The following PHLPP2 variants were observed in gnomAD, a reference collection of about 807,000 sequenced individuals.
PHLPP2 encodes PH domain leucine-rich repeat-containing protein phosphatase 2.
A neutral mutation model predicts 124.9 loss-of-function variants in PHLPP2; 66 were observed. The observed-to-expected ratio is 0.53, with a 90% CI of 0.43 to 0.65. The LOEUF is 0.65. Ranked by LOEUF, PHLPP2 falls within the 30% of genes least tolerant of loss-of-function variation. PHLPP2 has a pLI of 0.00. For missense variants in PHLPP2, 1,685 were observed against 1,600.4 expected (o/e 1.05, Z -0.90); for synonymous variants, 681 against 624.7 (o/e 1.09, Z -1.34).
intron 1 of PHLPP2, among the ~76,000 whole-genome samples, chr16:71,722,725 T>G (rs982453858): frequency 1.3e-5 from 2 of 152,218 alleles, no homozygotes; most frequent in African/African-American, 4.8e-5. Flanking sequence ...AAGTTTCATA[T>G]CCTGAATTCC....
chr16:71,658,633 A>G lies in PHLPP2; in HGVS notation c.2148+20T>C, dbSNP rs780467763. 7 of 1,608,880 alleles carry G rather than the reference A, an allele frequency of 4.4e-6. No homozygotes were observed. The highest frequency in any genetic ancestry group is 5.9e-6 in the Non-Finnish European group (7 of 1,177,076). ...TGCCATTTCCCCCAATAAGGACATC[A>G]TTCCAGCACACAGAAGTACCTGGAT... On this transcript the variant is annotated intron_variant, in intron 14 of 18. Transcript: ENST00000568954.
intron 11 of PHLPP2, 122 bp from the exon 12 acceptor site, chr16:71,667,455 T>G: frequency 1.4e-6 from 1 of 737,858 alleles, no homozygotes; most frequent in Non-Finnish European, 2.1e-6. Flanking sequence ...CTAGATTGTA[T>G]ACTCACTGAC....
At chr16:71,689,210 A>G (rs921016717) in intron 4 of PHLPP2, among the ~76,000 whole-genome samples, 2 of 151,512 alleles carry the variant, frequency 1.3e-5, no homozygotes, top group African/African-American at 4.9e-5. Flanking sequence ...GTCTTTTCAT[A>G]TTTTTATTAT....
Position 71,676,407 on chromosome 16 carries a change from G to A in PHLPP2, c.1471+40C>T, listed in dbSNP as rs373092457. ...CTGTTCTCAGAAAGCACTGACAACA[G>A]CTGAAAGAGAAAAAACAAAAGGCTG... is the stretch of plus-strand genomic sequence containing the variant. On this transcript the variant is annotated intron_variant, in intron 9 of 18. Coordinates refer to ENST00000568954, the MANE Select transcript of PHLPP2 (RefSeq NM_015020.3). The A allele has an allele frequency of 5.8e-4, 887 of 1,527,518 alleles. 11 individuals carry two copies. The South Asian group carries it at 9.5e-3, about 16-fold the overall frequency. The allele number at this position is 1,527,518 out of a possible 1,614,324, so 94.6% of individuals were successfully genotyped here. A position where few individuals can be genotyped will look rare whatever the true frequency, so the allele number is the denominator to read the frequency against.
Position 71,649,787 on chromosome 16 carries a change from A to G in PHLPP2, c.3075T>C (p.Asn1025=), listed in dbSNP as rs771803100. ...TLAQSYGCQD[N]VGAMVVYLNI... is the part of the protein sequence containing the mutation. Reference sequence around the variant, plus strand: ...TCAAATAAACTACCATCGCCCCTACATTGTCCTGACAGCCATAGCTCTGCG... The same window carrying G: ...TCAAATAAACTACCATCGCCCCTACGTTGTCCTGACAGCCATAGCTCTGCG... Residue 1025 remains asparagine (N), a synonymous_variant, in exon 19 of 19, where the codon AAT becomes AAC. Coordinates refer to ENST00000568954, the MANE Select transcript of PHLPP2 (RefSeq NM_015020.3). The G allele has an allele frequency of 1.2e-5, 19 of 1,614,120 alleles. No individual in the cohort carries two copies. The East Asian group carries it at 2.9e-4, about 25-fold the overall frequency.
intron 2 of PHLPP2, among the ~76,000 whole-genome samples, chr16:71,708,760 T>C (rs988940030): frequency 2.6e-5 from 4 of 151,952 alleles, no homozygotes; most frequent in South Asian, 4.2e-4. Flanking sequence ...CACTCCAGCT[T>C]GGGCAACAGA....
intron 3 of PHLPP2, among the ~76,000 whole-genome samples, chr16:71,697,901 G>C (rs909981085): frequency 6.9e-6 from 1 of 144,588 alleles, no homozygotes; most frequent in Non-Finnish European, 1.5e-5. Flanking sequence ...AGGCTGGAGT[G>C]CAGTGGCACC....
At chr16:71,673,654 T>C (rs1040049708) in intron 9 of PHLPP2, among the ~76,000 whole-genome samples, 1 of 152,194 alleles carries the variant, frequency 6.6e-6, no homozygotes, top group Admixed American at 6.5e-5. Context: ...TTAAATACTA[T>C]TAAAATATTT....
chr16:71,690,355 G>T (rs566593235), intron 4 of PHLPP2, among the ~76,000 whole-genome samples, 164 bp downstream of exon 4: 1 of 152,290 alleles, frequency 6.6e-6, no homozygotes, highest in East Asian at 1.9e-4. Context: ...AGGATTTGGG[G>T]CATAATAGCC....
rs544993186 is a variant in PHLPP2, at chr16:71,653,355, G to A, written c.2586-334C>T. 1.3e-4 allele frequency among the ~76,000 whole-genome samples: 20 copies of A among 152,260 alleles called. 2 individuals carry two copies. In the South Asian group the frequency reaches 4.2e-3, roughly 32 times the overall value. ...AATCCCCTGAGGGCTTGTCAGAACA[G>A]GGACTGCTGGGCCCTAGGCCCAGAG... On this transcript the variant is annotated intron_variant, in intron 17 of 18. Transcript: ENST00000568954.
rs2044903113 is a variant in PHLPP2, at chr16:71,672,412, C to A, written c.1472-90G>T. Reference sequence around the variant, plus strand: ...ATGGAAAAGTAGCTTAGTGAAATCACCAGAGAGAAAACTGATGTATTCTAC... The same window carrying A: ...ATGGAAAAGTAGCTTAGTGAAATCAACAGAGAGAAAACTGATGTATTCTAC... On this transcript the variant is annotated intron_variant, in intron 9 of 18. Coordinates refer to ENST00000568954, the MANE Select transcript of PHLPP2 (RefSeq NM_015020.3). The A allele has an allele frequency of 3.2e-5, 30 of 930,204 alleles. No homozygotes were observed. In the South Asian group the frequency reaches 3.7e-4, roughly 12 times the overall value. The allele number at this position is 930,204 out of a possible 1,614,324, so 57.6% of individuals were successfully genotyped here. A position where few individuals can be genotyped will look rare whatever the true frequency, so the allele number is the denominator to read the frequency against.
At chr16:71,685,678 T>A (rs1054893146) in intron 4 of PHLPP2, among the ~76,000 whole-genome samples, 2 of 152,216 alleles carry the variant, frequency 1.3e-5, no homozygotes, top group African/African-American at 4.8e-5. Context: ...AGAATATTAT[T>A]GAAATGAAGA....
chr16:71,716,584 C>T (rs1018853160), intron 1 of PHLPP2, among the ~76,000 whole-genome samples: 1 of 152,090 alleles, frequency 6.6e-6, no homozygotes, highest in Non-Finnish European at 1.5e-5. Context: ...CTGACATTTC[C>T]GCAGCCATAC....
rs577401843 is a variant in PHLPP2, at chr16:71,649,978, T to G, written c.2884A>C (p.Ile962Leu). 2 of 1,613,658 alleles carry G rather than the reference T, an allele frequency of 1.2e-6. No individual in the cohort carries two copies. Among genetic ancestry groups the G allele is most frequent in the Non-Finnish European group, 1.7e-6 (2 of 1,180,002 alleles). Residue 962 changes from isoleucine to leucine, a missense_variant, in exon 19 of 19, where the codon ATC becomes CTC. Transcript: ENST00000568954. ...GAAGATATGTGGGGCTTGGGGAGGA[T>G]CCAAGGGTAGAGGTATGTACAGCCC... ...MLGCTYLYPW[I>L]LPKPHISSTP...
At chr16:71,680,730 A>G (rs1028853498) in intron 6 of PHLPP2, among the ~76,000 whole-genome samples, 2 of 152,100 alleles carry the variant, frequency 1.3e-5, no homozygotes, top group Non-Finnish European at 2.9e-5. Context: ...CAAATTTTCA[A>G]CTTCTGATTT....
intron 4 of PHLPP2, among the ~76,000 whole-genome samples, chr16:71,686,453 T>C (rs888651801): frequency 6.6e-6 from 1 of 152,048 alleles, no homozygotes; most frequent in African/African-American, 2.4e-5. Context: ...GGATTACAGG[T>C]GTGAGCCACT....
intron 2 of PHLPP2, among the ~76,000 whole-genome samples, chr16:71,704,258 C>T (rs867011111): frequency 1.4e-5 from 2 of 142,000 alleles, no homozygotes; most frequent in Admixed American, 7.6e-5. Flanking sequence ...TGCAGTGAGC[C>T]GAGATGGTGC....
chr16:71,673,860 C>T (rs1278283126), intron 9 of PHLPP2, among the ~76,000 whole-genome samples: 1 of 152,160 alleles, frequency 6.6e-6, no homozygotes, highest in Admixed American at 6.6e-5. Context: ...TAAGTCAACA[C>T]TCACCAGTTT....
intron 1 of PHLPP2, among the ~76,000 whole-genome samples, chr16:71,721,749 TTAATCATTAC>T (rs1473484261): frequency 1.3e-5 from 2 of 151,618 alleles, no homozygotes; most frequent in Non-Finnish European, 2.9e-5. Flanking sequence ...AGTAAAAAAG[TTAATCATTAC>T]TAAAAAAAAA....
Sources: gnomAD v4.1 joint callset for allele counts (sites outside exome capture counted in the v4.1 genomes callset) on GRCh38, gnomAD v4.1.1 for gene constraint, MANE v1.5 for transcripts, NCBI Gene and HGNC (gene_info 2026-07-23, HGNC 2026-07-21) for gene names.